The following LRRC7 variants were observed in gnomAD, a reference collection of about 807,000 sequenced individuals.
LRRC7 encodes the protein leucine rich repeat containing 7.
A neutral mutation model predicts 175.7 loss-of-function variants in LRRC7; 23 were observed. That is an observed-to-expected ratio of 0.13 (90% CI 0.09 to 0.19). The LOEUF (loss-of-function observed/expected upper bound fraction) is 0.19. Among genes scored for constraint, LRRC7 ranks in the 10% least tolerant of loss-of-function variants. LRRC7 has a pLI of 1.00. For missense variants in LRRC7, 1,354 were observed against 1,904.7 expected, an observed-to-expected ratio of 0.71 and a Z score of 5.38; for synonymous variants, 685 against 680.9, an observed-to-expected ratio of 1.01 and a Z score of -0.09.
intron 4 of LRRC7, among the ~76,000 whole-genome samples, chr1:69,805,107 G>GA (rs939152469): frequency 9.2e-5 from 14 of 151,522 alleles, no homozygotes; most frequent in African/African-American, 9.7e-5. Context: ...ATCATAGTGG[G>GA]AAAAAAATCA....
At chr1:69,990,138 G>C (rs1442106364) in intron 10 of LRRC7, among the ~76,000 whole-genome samples, 1 of 151,916 alleles carries the variant, frequency 6.6e-6, no homozygotes, top group Admixed American at 6.6e-5. Context: ...AAACTCAGAA[G>C]GAAGGAAGTG....
intron 1 of LRRC7, among the ~76,000 whole-genome samples, chr1:69,620,219 G>GT (rs978365859): frequency 2.6e-5 from 4 of 151,408 alleles, no homozygotes; most frequent in Non-Finnish European, 5.9e-5. Context: ...TGATTAAACT[G>GT]TTTTTTAAAT....
At chr1:69,975,731 C>T (rs1652747162) in intron 8 of LRRC7, among the ~76,000 whole-genome samples, 1 of 152,170 alleles carries the variant, frequency 6.6e-6, no homozygotes, top group Admixed American at 6.5e-5. Context: ...AAATGCCTCC[C>T]TCAACTACCA....
chr1:69,650,040 A>G (rs1372844365), intron 1 of LRRC7, among the ~76,000 whole-genome samples: 1 of 152,146 alleles, frequency 6.6e-6, no homozygotes, highest in Non-Finnish European at 1.5e-5. Context: ...CAAAACAAAT[A>G]TTAATTTCAA....
chr1:70,038,543 A>G lies in LRRC7; in HGVS notation c.2719A>G (p.Ser907Gly), dbSNP rs1373051936. ...PSKLETTPTT[S>G]PLPERKEHIK... ...CAAATTAGAGACAACCCCCACTACCAGCCCATTGCCTGAAAGGAAAGAACA... is the reference window on the plus strand; with the variant it reads ...CAAATTAGAGACAACCCCCACTACCGGCCCATTGCCTGAAAGGAAAGAACA... Residue 907 changes from serine (S) to glycine (G), a missense_variant, in exon 21 of 27, where the codon AGC becomes GGC. This residue lies in a region of LRRC7 where 1,032 missense variants were observed against 1,227.2 expected (regional missense o/e 0.84). Coordinates refer to ENST00000651989, the MANE Select transcript of LRRC7 (RefSeq NM_001370785.2). 1 of 1,613,950 alleles carries G rather than the reference A, an allele frequency of 6.2e-7. No individual in the cohort carries two copies. Among genetic ancestry groups the G allele is most frequent in the Non-Finnish European group, 8.5e-7 (1 of 1,179,992 alleles).
intron 8 of LRRC7, among the ~76,000 whole-genome samples, chr1:69,972,072 G>C (rs538415983): frequency 6.6e-6 from 1 of 152,334 alleles, no homozygotes; most frequent in South Asian, 2.1e-4. Flanking sequence ...CAAGCCACAT[G>C]TAGGAGAATG....
At chr1:69,649,549 A>T (rs990802023) in intron 1 of LRRC7, among the ~76,000 whole-genome samples, 1 of 152,228 alleles carries the variant, frequency 6.6e-6, no homozygotes, top group Non-Finnish European at 1.5e-5. Context: ...TGCTTTAGAT[A>T]ATGAAATTGG....
chr1:70,103,864 C>CAGTTTTATGATAA (rs549486898), intron 25 of LRRC7, among the ~76,000 whole-genome samples: 234 of 152,154 alleles, frequency 1.5e-3, no homozygotes, highest in African/African-American at 5.4e-3. Flanking sequence ...TATATAACAG[C>CAGTTTTATGATAA]AGTTTTATGA....
intron 1 of LRRC7, among the ~76,000 whole-genome samples, chr1:69,666,429 C>A (rs79028543): frequency 6.6e-6 from 1 of 151,944 alleles, no homozygotes; most frequent in Non-Finnish European, 1.5e-5. Flanking sequence ...AATTCATCAG[C>A]GATACCATTC....
At chr1:69,981,655 A>G (rs1010230625) in intron 9 of LRRC7, among the ~76,000 whole-genome samples, 2 of 152,332 alleles carry the variant, frequency 1.3e-5, no homozygotes, top group South Asian at 4.1e-4. Context: ...CACTACTCAT[A>G]GAAGAGCCTG....
chr1:69,834,918 G>A, intron 6 of LRRC7, 49 bp downstream of exon 6: 1 of 1,452,990 alleles, frequency 6.9e-7, no homozygotes, highest in Non-Finnish European at 9.6e-7. Context: ...CCTTAGGTAA[G>A]TGCTTTACCA....
chr1:70,039,706 T>A lies in LRRC7; in HGVS notation c.3882T>A (p.Pro1294=), dbSNP rs745807443. ...DNSDLKTRPT[P]VKGEESCGKM... is the part of the protein sequence containing the mutation. ...GTGATTTAAAGACGAGGCCTACTCCTGTGAAGGGAGAGGAGAGCTGTGGTA... is the reference window on the plus strand; with the variant it reads ...GTGATTTAAAGACGAGGCCTACTCCAGTGAAGGGAGAGGAGAGCTGTGGTA... The change falls in exon 21 of 27, where the codon CCT becomes CCA. Residue 1294 remains proline, a synonymous_variant. Transcript: ENST00000651989. 6.2e-7 allele frequency: 1 copy of A among 1,614,080 alleles called. No homozygotes were observed. The highest frequency in any genetic ancestry group is 1.1e-5 in the South Asian group (1 of 91,086).
Position 70,107,998 on chromosome 1 carries a change from A to T in LRRC7, c.4620+172A>T, listed in dbSNP as rs1665259811. Among the ~76,000 whole-genome samples the T allele has an allele frequency of 2.0e-5, 3 of 152,078 alleles. No homozygotes were observed. In the South Asian group the frequency reaches 6.2e-4, roughly 31 times the overall value. On this transcript the variant is annotated intron_variant, in intron 26 of 26. Coordinates refer to ENST00000651989, the MANE Select transcript of LRRC7 (RefSeq NM_001370785.2). ...CAAGTCAAAAACAATTCAGTCTGAC[A>T]AATCTTATATCCCTAGCACCTTACA...
chr1:69,918,083 C>A (rs574209469), intron 7 of LRRC7, among the ~76,000 whole-genome samples: 1 of 152,176 alleles, frequency 6.6e-6, no homozygotes, highest in African/African-American at 2.4e-5. Flanking sequence ...TCTATCCATA[C>A]TTTTATCGTG....
At chr1:70,008,816 T>A (rs542883012) in intron 11 of LRRC7, among the ~76,000 whole-genome samples, 1 of 152,286 alleles carries the variant, frequency 6.6e-6, no homozygotes, top group South Asian at 2.1e-4. Context: ...TGTCTGTGTG[T>A]GAGCCAAATA....
At chr1:69,610,006 A>G (rs1012307058) in intron 1 of LRRC7, among the ~76,000 whole-genome samples, 3 of 151,996 alleles carry the variant, frequency 2.0e-5, no homozygotes, top group Admixed American at 6.6e-5. Context: ...CTCTTGTTTC[A>G]CCTATGTTGG....
intron 2 of LRRC7, among the ~76,000 whole-genome samples, chr1:69,706,128 A>C (rs1664011186): frequency 6.6e-6 from 1 of 151,770 alleles, no homozygotes; most frequent in Admixed American, 6.6e-5. Context: ...CTTGAGGCTT[A>C]AATTAAATAA....
chr1:69,816,945 C>T (rs896431207), intron 4 of LRRC7, among the ~76,000 whole-genome samples: 1 of 152,056 alleles, frequency 6.6e-6, no homozygotes, highest in African/African-American at 2.4e-5. Flanking sequence ...CTTCCAGGCC[C>T]ATCCATGATG....
intron 3 of LRRC7, among the ~76,000 whole-genome samples, chr1:69,781,721 AAGAAAGAAAGAAAGAGAGAG>A (rs1183069731): frequency 6.0e-5 from 2 of 33,424 alleles, no homozygotes; most frequent in Non-Finnish European, 1.1e-4. Context: ...GAAAGAAAGA[AAGAAAGAAAGAAAGAGAGAG>A]AGAGAGAGAG....
Sources: gnomAD v4.1 joint callset for allele counts (sites outside exome capture counted in the v4.1 genomes callset) on GRCh38, gnomAD v4.1.1 for gene constraint, gnomAD v4.1.1 regional missense constraint, MANE v1.5 for transcripts, NCBI Gene and HGNC (gene_info 2026-07-23, HGNC 2026-07-21) for gene names.